Variants in MECR observed in about 807,000 individuals in gnomAD.
The protein encoded by MECR is mitochondrial trans-2-enoyl-CoA reductase.
Under a neutral mutation model 49.1 loss-of-function variants are expected in MECR, and 37 were observed. The ratio of observed to expected loss-of-function variants is 0.75; its 90% CI spans 0.58 to 0.99. The LOEUF (loss-of-function observed/expected upper bound fraction) is 0.99. MECR is among the 50% of genes least tolerant of loss of function. The probability of loss-of-function intolerance (pLI) is 0.00; values close to 1 mark genes in which losing one functional copy is unlikely to be tolerated. For synonymous variants in MECR, 198 were observed against 191.1 expected, an observed-to-expected ratio of 1.04 and a Z score of -0.30; for missense variants, 470 against 479.6, an observed-to-expected ratio of 0.98 and a Z score of 0.19.
At chr1:29,230,365 A>G (rs1683126438) in intron 1 of MECR, 1 of 242,286 alleles carries the variant, frequency 4.1e-6, no homozygotes, top group Non-Finnish European at 8.1e-6. Flanking sequence ...TGGCTGTGTG[A>G]CCTTGGACGA....
the MECR span, chr1:29,173,262 C>T: frequency 2.7e-5 from 4 of 149,520 alleles, no homozygotes; most frequent in African/African-American, 9.8e-5. Flanking sequence ...TTCAACCTCC[C>T]AAGTAGCTGG....
downstream of MECR, among the ~76,000 whole-genome samples, chr1:29,189,294 A>C (rs1324217701): frequency 1.3e-5 from 2 of 151,468 alleles, no homozygotes; most frequent in Admixed American, 1.3e-4. Context: ...GTGGTCTGGA[A>C]CTGACCTCAG....
intron 5 of MECR, among the ~76,000 whole-genome samples, 193 bp from the exon 6 acceptor site, chr1:29,202,238 C>T (rs1675501475): frequency 6.6e-6 from 1 of 152,260 alleles, no homozygotes; most frequent in Admixed American, 6.5e-5. Context: ...TGTCTCCTCA[C>T]TGGCAACAGA....
chr1:29,179,112 G>A, the MECR span, among the ~76,000 whole-genome samples: 7 of 151,870 alleles, frequency 4.6e-5, no homozygotes, highest in Non-Finnish European at 8.8e-5. Flanking sequence ...TCTTCCTTTT[G>A]GGTTGCTCAC....
chr1:29,200,648 G>T, intron 6 of MECR, 59 bp from the exon 7 acceptor site: 1 of 1,465,000 alleles, frequency 6.8e-7, no homozygotes, highest in Non-Finnish European at 9.6e-7. Context: ...GGGGTCTGAA[G>T]CTTGCCCAAG....
chr1:29,187,826 G>A (rs199787262), downstream of MECR, among the ~76,000 whole-genome samples: 1 of 150,600 alleles, frequency 6.6e-6, no homozygotes, highest in Non-Finnish European at 1.5e-5. Flanking sequence ...CATGAGGTCA[G>A]GAGATCGAGA....
chr1:29,189,921 G>A (rs1558398013), downstream of MECR, among the ~76,000 whole-genome samples: 1 of 152,154 alleles, frequency 6.6e-6, no homozygotes, highest in Non-Finnish European at 1.5e-5. Flanking sequence ...TTCAATCTAA[G>A]TTAAACCATT....
rs149818631 is a variant in MECR, at chr1:29,216,641, C to T, written c.221G>A (p.Arg74His). Residue 74 changes from arginine (R) to histidine (H), a missense_variant, in exon 2 of 10, where the codon CGT (arginine) becomes CAT (histidine). By Grantham distance (29) the Arg-to-His change is conservative. Transcript: ENST00000263702. ...GATAGGGGCCGCCAGCATCTTCACA[C>T]GGACATCTGATCCTCTCACAGCAGC... Reference protein sequence around the residue: ...ELAAVRGSDVRVKMLAAPINP... With the variant: ...ELAAVRGSDVHVKMLAAPINP... The T allele has an allele frequency of 1.7e-5, 28 of 1,614,198 alleles. No homozygotes were observed. Among genetic ancestry groups the T allele is most frequent in the South Asian group, 5.5e-5 (5 of 91,078 alleles).
Position 29,194,105 on chromosome 1 carries a change from G to A in MECR, c.1039C>T (p.Gln347Ter), listed in dbSNP as rs552603346. 2 of 1,614,198 alleles carry A rather than the reference G, an allele frequency of 1.2e-6. No individual in the cohort carries two copies. Among genetic ancestry groups the A allele is most frequent in the South Asian group, 2.2e-5 (2 of 91,090 alleles). ...RGQLTAPACS[Q>*]VPLQDYQSAL... ...GACTGGTAGTCCTGCAGCGGGACCT[G>A]GGAGCAGGCAGGGGCTGTGAGCTGG... The change falls in exon 10 of 10, where the codon CAG becomes TAG. Residue 347 changes from glutamine to a stop codon, truncating the protein, a stop_gained. Coordinates refer to ENST00000263702, the MANE Select transcript of MECR (RefSeq NM_016011.5). LOFTEE classifies it high-confidence loss of function.
At chr1:29,223,923 C>G (rs1486588967) in intron 1 of MECR, 3 of 152,180 alleles carry the variant, frequency 2.0e-5, no homozygotes, top group Non-Finnish European at 4.4e-5. Context: ...GTTTGGTGTG[C>G]TGGACACAGC....
the MECR span, among the ~76,000 whole-genome samples, chr1:29,175,562 G>A: frequency 8.0e-5 from 12 of 149,734 alleles, no homozygotes; most frequent in South Asian, 2.6e-3. Context: ...GGGAGCGGTG[G>A]CGGGCTCCTG....
chr1:29,188,697 T>C (rs1673071399), downstream of MECR, among the ~76,000 whole-genome samples: 1 of 151,968 alleles, frequency 6.6e-6, no homozygotes, highest in South Asian at 2.1e-4. Context: ...TGGAGTGCTA[T>C]GGCGCGATCT....
At chr1:29,228,849 A>G (rs969195225) in intron 1 of MECR, 1 of 152,166 alleles carries the variant, frequency 6.6e-6, no homozygotes, top group Non-Finnish European at 1.5e-5. Flanking sequence ...TTGGAAATTT[A>G]GATTTAGATT....
chr1:29,169,678 T>C, the MECR span: 1 of 152,080 alleles, frequency 6.6e-6, no homozygotes. Context: ...TCTCATAAAG[T>C]AAACCAACTG....
chr1:29,211,525 A>G (rs975069165), intron 3 of MECR, among the ~76,000 whole-genome samples: 8 of 152,170 alleles, frequency 5.3e-5, no homozygotes, highest in Non-Finnish European at 1.0e-4. Flanking sequence ...AAATTTGCCA[A>G]CTCCTGATCT....
At chr1:29,170,729 C>G in the MECR span, 1 of 152,122 alleles carries the variant, frequency 6.6e-6, no homozygotes, top group South Asian at 2.1e-4. Context: ...TCTGTGGTTC[C>G]TGACTCCCTT....
At chr1:29,222,370 T>C (rs1335558429) in intron 1 of MECR, among the ~76,000 whole-genome samples, 1 of 152,152 alleles carries the variant, frequency 6.6e-6, no homozygotes, top group African/African-American at 2.4e-5. Context: ...ATGCTGGGAT[T>C]ACAGGTGTGA....
chr1:29,219,982 G>C (rs1680363686), intron 1 of MECR, among the ~76,000 whole-genome samples: 1 of 152,084 alleles, frequency 6.6e-6, no homozygotes, highest in Non-Finnish European at 1.5e-5. Flanking sequence ...GTGTATATGT[G>C]CTATCTCCTT....
chr1:29,201,996 G>C lies in MECR; in HGVS notation c.703C>G (p.His235Asp). 6.2e-7 allele frequency: 1 copy of C among 1,614,136 alleles called. No individual in the cohort carries two copies. ...SDRLKSLGAEHVITEEELRRP... is the reference protein window; with the variant it reads ...SDRLKSLGAEDVITEEELRRP... ...CTTAGCTCCTCTTCTGTGATGACAT[G>C]CTCAGCCCCCAGACTCTTCAGTCTG... The change falls in exon 6 of 10, where the codon CAT (histidine) becomes GAT (aspartate). Residue 235 changes from histidine (H) to aspartate (D), a missense_variant. Coordinates refer to ENST00000263702, the MANE Select transcript of MECR (RefSeq NM_016011.5). The surrounding 1 kb of genome is among the most constrained non-coding windows in gnomAD (Gnocchi z 4.3).
Sources: gnomAD v4.1 joint callset for allele counts (sites outside exome capture counted in the v4.1 genomes callset) on GRCh38, gnomAD v4.1.1 for gene constraint, Gnocchi (gnomAD v3.1) non-coding constraint, MANE v1.5 for transcripts, NCBI Gene and HGNC (gene_info 2026-07-23, HGNC 2026-07-21) for gene names.